ZBTB7C: variants seen among roughly 807,000 people sequenced by gnomAD.
ZBTB7C encodes the protein zinc finger and BTB domain containing 7C.
In ZBTB7C, 8 loss-of-function variants were observed where a neutral mutation model predicts 25.7. The ratio of observed to expected loss-of-function variants is 0.31; its 90% CI spans 0.18 to 0.56. ZBTB7C has a LOEUF of 0.56. ZBTB7C is among the 20% of genes least tolerant of loss of function. The pLI is 0.91. For synonymous variants in ZBTB7C, 394 were observed against 369.0 expected, an observed-to-expected ratio of 1.07 and a Z score of -0.78; for missense variants, 824 against 855.2, an observed-to-expected ratio of 0.96 and a Z score of 0.46.
chr18:48,296,992 G>A (rs971802539), intron 2 of ZBTB7C, among the ~76,000 whole-genome samples: 13 of 152,192 alleles, frequency 8.5e-5, no homozygotes, highest in Admixed American at 6.5e-4. Flanking sequence ...AGTCCCAGCT[G>A]AGAATCTAAC....
At chr18:48,257,082 A>G (rs189143108) in intron 2 of ZBTB7C, among the ~76,000 whole-genome samples, 12 of 152,034 alleles carry the variant, frequency 7.9e-5, no homozygotes, top group Admixed American at 3.3e-4. Context: ...TTGGATATAA[A>G]GGAAGACCCA....
At chr18:48,270,643 T>C (rs1313625613) in intron 2 of ZBTB7C, among the ~76,000 whole-genome samples, 5 of 149,214 alleles carry the variant, frequency 3.4e-5, no homozygotes, top group African/African-American at 9.8e-5. Context: ...TGAGCCAAGA[T>C]TGCACCACTG....
At chr18:48,342,571 A>T (rs1358635884) in intron 1 of ZBTB7C, among the ~76,000 whole-genome samples, 3 of 152,240 alleles carry the variant, frequency 2.0e-5, no homozygotes, top group Non-Finnish European at 4.4e-5. Context: ...TCAATTCCCC[A>T]CAACCCTCGG....
chr18:48,347,481 G>T (rs1050041764), intron 1 of ZBTB7C, among the ~76,000 whole-genome samples: 2 of 151,976 alleles, frequency 1.3e-5, no homozygotes, highest in African/African-American at 4.8e-5. Flanking sequence ...TTCCTCAGAC[G>T]CAGAACTGAC....
chr18:48,148,542 G>A (rs2040568891), intron 3 of ZBTB7C: 1 of 152,098 alleles, frequency 6.6e-6, no homozygotes, highest in South Asian at 2.1e-4. Flanking sequence ...AAGCCAGCCT[G>A]GTACCTGGCT....
At chr18:48,388,129 T>C (rs1412816611) in intron 1 of ZBTB7C, among the ~76,000 whole-genome samples, 1 of 152,296 alleles carries the variant, frequency 6.6e-6, no homozygotes, top group East Asian at 1.9e-4. Context: ...ACCTGGCCTC[T>C]GTAGGTTTGT....
At chr18:48,173,473 T>C (rs2041563103) in intron 3 of ZBTB7C, among the ~76,000 whole-genome samples, 1 of 152,190 alleles carries the variant, frequency 6.6e-6, no homozygotes. Flanking sequence ...CAGTCCCTCA[T>C]GGATGGACTG....
chr18:48,254,526 G>A (rs1309240012), intron 2 of ZBTB7C, among the ~76,000 whole-genome samples: 1 of 151,922 alleles, frequency 6.6e-6, no homozygotes. Flanking sequence ...TCCCTTTTTC[G>A]GACACCTCTA....
In ZBTB7C at chr18:48,040,709, C is replaced by A. The variant is rs370314645; in HGVS notation, c.399G>T (p.Gly133=). ...CGTCCTCCTTGTCATCCTCCTCCCCCCCGTCCCCCCCAGGCTCCATGATCT... is the reference window on the plus strand; with the variant it reads ...CGTCCTCCTTGTCATCCTCCTCCCCACCGTCCCCCCCAGGCTCCATGATCT... ...CLEIMEPGGD[G]GEEDDKEDDD... The change falls in exon 4 of 5, where the codon GGG becomes GGT. Residue 133 remains glycine (G), a synonymous_variant. Transcript: ENST00000590800. The A allele has an allele frequency of 3.4e-4, 542 of 1,613,818 alleles. 1 individual carries two copies. The highest frequency in any genetic ancestry group is 2.1e-4 in the Non-Finnish European group (249 of 1,179,946).
intron 3 of ZBTB7C, among the ~76,000 whole-genome samples, chr18:48,160,870 C>T (rs897285044): frequency 6.6e-6 from 1 of 151,472 alleles, no homozygotes; most frequent in Non-Finnish European, 1.5e-5. Flanking sequence ...TCCCCTGTCC[C>T]AAATATCTGC....
chr18:48,229,731 G>A (rs543556955), intron 2 of ZBTB7C, among the ~76,000 whole-genome samples: 14 of 152,290 alleles, frequency 9.2e-5, no homozygotes, highest in African/African-American at 2.9e-4. Flanking sequence ...GGGAATTGTC[G>A]AAGAGTCTGC....
intron 2 of ZBTB7C, among the ~76,000 whole-genome samples, chr18:48,322,103 G>A (rs1195081683): frequency 1.3e-5 from 2 of 152,206 alleles, no homozygotes; most frequent in African/African-American, 4.8e-5. Context: ...ATTTTCCCTA[G>A]AGAGAGGCTT....
At chr18:48,333,161 T>A (rs1262171220) in intron 2 of ZBTB7C, among the ~76,000 whole-genome samples, 1 of 152,144 alleles carries the variant, frequency 6.6e-6, no homozygotes, top group African/African-American at 2.4e-5. Context: ...ATCAGAAGAA[T>A]CATGAAAAAT....
At chr18:48,032,452 T>G (rs1477280429) in intron 4 of ZBTB7C, among the ~76,000 whole-genome samples, 134 of 107,208 alleles carry the variant, frequency 1.2e-3, no homozygotes, top group African/African-American at 4.5e-3. Flanking sequence ...TTTTTTTTTT[T>G]GAGACGGAGT....
intron 1 of ZBTB7C, among the ~76,000 whole-genome samples, chr18:48,379,764 C>G (rs144018139): frequency 1.3e-5 from 2 of 152,272 alleles, no homozygotes; most frequent in East Asian, 3.9e-4. Flanking sequence ...TCAAACAACT[C>G]TTAAAACTCA....
chr18:48,043,694 T>C (rs2036352701), intron 3 of ZBTB7C, among the ~76,000 whole-genome samples: 3 of 152,154 alleles, frequency 2.0e-5, no homozygotes, highest in Admixed American at 6.5e-5. Context: ...CTGGTTGATA[T>C]TGTACTATGG....
chr18:48,329,124 C>G (rs1206529999), intron 2 of ZBTB7C, among the ~76,000 whole-genome samples: 1 of 152,146 alleles, frequency 6.6e-6, no homozygotes, highest in Non-Finnish European at 1.5e-5. Flanking sequence ...TTTAAGAAGT[C>G]TCTCTCTAAT....
intron 2 of ZBTB7C, among the ~76,000 whole-genome samples, chr18:48,206,693 C>T (rs2042583637): frequency 6.6e-6 from 1 of 152,102 alleles, no homozygotes; most frequent in Non-Finnish European, 1.5e-5. Context: ...TTGACCACTG[C>T]TTTCCACTGA....
intron 3 of ZBTB7C, among the ~76,000 whole-genome samples, chr18:48,105,673 G>C (rs1172594183): frequency 1.3e-5 from 2 of 152,068 alleles, no homozygotes; most frequent in Non-Finnish European, 2.9e-5. Flanking sequence ...TAACAACTAA[G>C]TCTCAAAAAC....
Sources: gnomAD v4.1 joint callset for allele counts (sites outside exome capture counted in the v4.1 genomes callset) on GRCh38, gnomAD v4.1.1 for gene constraint, MANE v1.5 for transcripts, NCBI Gene and HGNC (gene_info 2026-07-23, HGNC 2026-07-21) for gene names.